Variants in RBM27 observed in about 807,000 individuals in gnomAD.
RBM27 encodes RNA binding motif protein 27, also known as RNA-binding protein 27.
A neutral mutation model predicts 135.3 loss-of-function variants in RBM27; 22 were observed. The observed-to-expected ratio is 0.16, with a 90% CI of 0.12 to 0.23. The LOEUF is 0.23. Among genes scored for constraint, RBM27 ranks in the 10% least tolerant of loss-of-function variants. The probability of loss-of-function intolerance (pLI) is 1.00; values close to 1 mark genes in which losing one functional copy is unlikely to be tolerated. For synonymous variants in RBM27, 481 were observed against 442.4 expected, an observed-to-expected ratio of 1.09 and a Z score of -1.10; for missense variants, 1,009 against 1,281.0, an observed-to-expected ratio of 0.79 and a Z score of 3.24.
intron 8 of RBM27, among the ~76,000 whole-genome samples, chr5:146,239,688 T>C (rs900447206): frequency 6.6e-6 from 1 of 151,512 alleles, no homozygotes; most frequent in Non-Finnish European, 1.5e-5. Flanking sequence ...TTATGTTGGC[T>C]AGCTGTCAAA....
At chr5:146,279,702 G>A (rs1201527308) in intron 19 of RBM27, among the ~76,000 whole-genome samples, 1 of 150,622 alleles carries the variant, frequency 6.6e-6, no homozygotes, top group Non-Finnish European at 1.5e-5. Context: ...CAGCTACTCG[G>A]GAGCCTGAGG....
intron 6 of RBM27, among the ~76,000 whole-genome samples, chr5:146,232,918 A>T (rs1171425224): frequency 6.6e-6 from 1 of 152,006 alleles, no homozygotes; most frequent in Admixed American, 6.6e-5. Flanking sequence ...TTCCTTATTG[A>T]TGTATGTTTG....
Position 146,258,596 on chromosome 5 carries a change from A to G in RBM27, c.1739+3A>G, listed in dbSNP as rs1463648199. 1.3e-6 allele frequency: 2 copies of G among 1,565,262 alleles called. No homozygotes were observed. The highest frequency in any genetic ancestry group is 1.7e-6 in the Non-Finnish European group (2 of 1,160,112). On this transcript the variant is annotated splice_donor_region_variant and intron_variant, in intron 11 of 20. Transcript: ENST00000265271. Reference sequence around the variant, plus strand: ...ACAAAGAAACCTTGGCTGGGAAAGTAAGATAATTTGCTAATTAGTAGCATC... The same window carrying G: ...ACAAAGAAACCTTGGCTGGGAAAGTGAGATAATTTGCTAATTAGTAGCATC...
intron 8 of RBM27, 83 bp downstream of exon 8, chr5:146,237,515 G>T: frequency 7.0e-7 from 1 of 1,420,818 alleles, no homozygotes; most frequent in Non-Finnish European, 9.7e-7. Flanking sequence ...TTTAAAAAAT[G>T]GTAAATAGTT....
At chr5:146,227,718 G>A (rs1756739714) in intron 3 of RBM27, among the ~76,000 whole-genome samples, 3 of 152,202 alleles carry the variant, frequency 2.0e-5, no homozygotes, top group Admixed American at 6.5e-5. Flanking sequence ...CAACGTGGGC[G>A]ACAGAGTGAG....
chr5:146,253,699 G>A (rs1757993702), intron 9 of RBM27, among the ~76,000 whole-genome samples: 1 of 152,076 alleles, frequency 6.6e-6, no homozygotes, highest in Non-Finnish European at 1.5e-5. Context: ...TGGATGTTTT[G>A]TGCAAGAAGG....
chr5:146,271,660 C>A lies in RBM27; in HGVS notation c.2974C>A (p.Leu992Ile), dbSNP rs767915879. ...CATTGAGGAAGAAAAAGAAGACTTG[C>A]TTCAGCATTTCTCAGTAAGTTTTTA... ...GFIEEEKEDLLQHFSTANQGP... is the reference protein window; with the variant it reads ...GFIEEEKEDLIQHFSTANQGP... Residue 992 changes from leucine (L) to isoleucine (I), a missense_variant, in exon 19 of 21, where the codon CTT (leucine) becomes ATT (isoleucine). Physicochemically the swap from Leu to Ile is conservative, Grantham distance 5. Coordinates refer to ENST00000265271, the MANE Select transcript of RBM27 (RefSeq NM_018989.2). 60 of 1,612,304 alleles carry A rather than the reference C, an allele frequency of 3.7e-5. No individual in the cohort carries two copies. The African/African-American group carries it at 7.3e-4, about 20-fold the overall frequency.
At chr5:146,216,407 T>A (rs1756195563) in intron 1 of RBM27, among the ~76,000 whole-genome samples, 1 of 152,190 alleles carries the variant, frequency 6.6e-6, no homozygotes, top group African/African-American at 2.4e-5. Flanking sequence ...ATTGTATGTA[T>A]TTAAGGTGTG....
intron 3 of RBM27, among the ~76,000 whole-genome samples, chr5:146,224,172 C>T (rs1287690205): frequency 6.6e-6 from 1 of 152,106 alleles, no homozygotes; most frequent in African/African-American, 2.4e-5. Context: ...TTCTCTGTCT[C>T]ACTTTGATAT....
chr5:146,227,644 A>G (rs1244993328), intron 3 of RBM27, among the ~76,000 whole-genome samples: 2 of 152,196 alleles, frequency 1.3e-5, no homozygotes, highest in Admixed American at 1.3e-4. Context: ...AAAGACAATA[A>G]TAAAAATTAC....
At chr5:146,254,206 A>T (rs1468945550) in intron 9 of RBM27, among the ~76,000 whole-genome samples, 3 of 152,192 alleles carry the variant, frequency 2.0e-5, no homozygotes. Flanking sequence ...TGTAATGCCA[A>T]CAGTTTGGGA....
intron 11 of RBM27, among the ~76,000 whole-genome samples, chr5:146,260,543 C>T (rs1758351823): frequency 6.6e-6 from 1 of 151,996 alleles, no homozygotes; most frequent in South Asian, 2.1e-4. Context: ...TTTCTGGATG[C>T]TTATGTATTT....
At chr5:146,217,601 A>C (rs978294007) in intron 1 of RBM27, among the ~76,000 whole-genome samples, 1 of 150,330 alleles carries the variant, frequency 6.7e-6, no homozygotes, top group Non-Finnish European at 1.5e-5. Context: ...CAGCCTCCCA[A>C]GTGAGCTGAA....
Position 146,286,098 on chromosome 5 carries a change from A to G in RBM27, c.*68A>G. The stretch of plus-strand genomic sequence containing the variant: ...AGAACAACTTTTAAAAATTATTTAA[A>G]AGAAGTCAATGAGCCAAAAAAAATT... On this transcript the variant is annotated 3_prime_UTR_variant, in exon 21 of 21. Transcript: ENST00000265271. The G allele has an allele frequency of 6.8e-7, 1 of 1,470,760 alleles. No homozygotes were observed. The highest frequency in any genetic ancestry group is 9.2e-7 in the Non-Finnish European group (1 of 1,085,710). The allele number at this position is 1,470,760 out of a possible 1,614,324, so 91.1% of individuals were successfully genotyped here. A position where few individuals can be genotyped will look rare whatever the true frequency, so the allele number is the denominator to read the frequency against.
At chr5:146,256,987 T>C (rs1758131284) in intron 10 of RBM27, among the ~76,000 whole-genome samples, 2 of 152,244 alleles carry the variant, frequency 1.3e-5, no homozygotes, top group Non-Finnish European at 2.9e-5. Flanking sequence ...CTAGAATGCT[T>C]TATGCCATCG....
intron 7 of RBM27, among the ~76,000 whole-genome samples, chr5:146,235,801 C>T (rs1757134859): frequency 6.6e-6 from 1 of 152,062 alleles, no homozygotes; most frequent in South Asian, 2.1e-4. Context: ...GATCCTCCCA[C>T]CTCAGTCTCC....
intron 14 of RBM27, among the ~76,000 whole-genome samples, chr5:146,263,832 T>C (rs1758498529): frequency 6.6e-6 from 1 of 152,074 alleles, no homozygotes; most frequent in Non-Finnish European, 1.5e-5. Flanking sequence ...AGGCTGGGCG[T>C]GGTGGCTCAC....
intron 19 of RBM27, among the ~76,000 whole-genome samples, chr5:146,282,487 T>C (rs1759405792): frequency 6.6e-6 from 1 of 152,208 alleles, no homozygotes; most frequent in Admixed American, 6.5e-5. Context: ...TCAAAAATAT[T>C]GGGAAAAAAA....
At chr5:146,227,163 C>T (rs922749079) in intron 3 of RBM27, among the ~76,000 whole-genome samples, 1 of 152,214 alleles carries the variant, frequency 6.6e-6, no homozygotes, top group African/African-American at 2.4e-5. Context: ...GGCACCAACT[C>T]ATCCTGCTTC....
Sources: gnomAD v4.1 joint callset for allele counts (sites outside exome capture counted in the v4.1 genomes callset) on GRCh38, gnomAD v4.1.1 for gene constraint, MANE v1.5 for transcripts, NCBI Gene and HGNC (gene_info 2026-07-23, HGNC 2026-07-21) for gene names.